Variants in NKAIN3 observed in about 807,000 individuals in gnomAD.
The protein encoded by NKAIN3 is sodium/potassium-transporting ATPase subunit beta-1-interacting protein 3.
A neutral mutation model predicts 30.2 loss-of-function variants in NKAIN3; 25 were observed. The ratio of observed to expected loss-of-function variants is 0.83; its 90% CI spans 0.60 to 1.16. NKAIN3 has a LOEUF of 1.16. NKAIN3 is among the 50% of genes most tolerant of loss of function. The pLI is 0.00. For missense variants in NKAIN3, 225 were observed against 254.1 expected, an observed-to-expected ratio of 0.89 and a Z score of 0.78; for synonymous variants, 91 against 89.6, an observed-to-expected ratio of 1.02 and a Z score of -0.09.
intron 1 of NKAIN3, among the ~76,000 whole-genome samples, chr8:62,471,745 A>G (rs1806355872): frequency 6.6e-6 from 1 of 152,124 alleles, no homozygotes; most frequent in South Asian, 2.1e-4. Context: ...AAAGTTTGAG[A>G]TCAGCCTGGG....
intron 1 of NKAIN3, among the ~76,000 whole-genome samples, chr8:62,395,792 A>G (rs896262596): frequency 3.3e-5 from 5 of 152,220 alleles, no homozygotes; most frequent in Non-Finnish European, 7.4e-5. Context: ...AATTAGATAT[A>G]CATATTAGAA....
At chr8:62,880,043 C>T (rs1254891905) in intron 4 of NKAIN3, among the ~76,000 whole-genome samples, 2 of 152,152 alleles carry the variant, frequency 1.3e-5, no homozygotes, top group Admixed American at 6.5e-5. Flanking sequence ...AGTAAGAGAT[C>T]GCCAGTCCCT....
intron 1 of NKAIN3, among the ~76,000 whole-genome samples, chr8:62,303,767 G>GA (rs1179290545): frequency 6.6e-6 from 1 of 150,586 alleles, no homozygotes; most frequent in Non-Finnish European, 1.5e-5. Context: ...AACATTGCCT[G>GA]ATGCATAAAA....
chr8:62,654,338 C>A (rs1004510457), intron 3 of NKAIN3, among the ~76,000 whole-genome samples: 1 of 152,004 alleles, frequency 6.6e-6, no homozygotes, highest in Non-Finnish European at 1.5e-5. Context: ...GAAAATCCAA[C>A]GACTAAATAA....
chr8:62,522,322 C>G (rs191913934), intron 1 of NKAIN3, among the ~76,000 whole-genome samples: 7 of 152,192 alleles, frequency 4.6e-5, no homozygotes, highest in Non-Finnish European at 8.8e-5. Context: ...ATAAACAAAC[C>G]TATGTACAGC....
At chr8:62,568,814 A>G (rs1363956904) in intron 1 of NKAIN3, among the ~76,000 whole-genome samples, 1 of 152,190 alleles carries the variant, frequency 6.6e-6, no homozygotes, top group Non-Finnish European at 1.5e-5. Flanking sequence ...TATAGGGACT[A>G]AAACACATAT....
intron 3 of NKAIN3, among the ~76,000 whole-genome samples, chr8:62,641,448 A>T (rs1359080974): frequency 6.6e-6 from 1 of 152,178 alleles, no homozygotes; most frequent in African/African-American, 2.4e-5. Context: ...TTAGCTATGA[A>T]ATACCTTATC....
intron 1 of NKAIN3, among the ~76,000 whole-genome samples, chr8:62,490,779 G>T (rs1585866249): frequency 1.3e-5 from 2 of 152,096 alleles, no homozygotes; most frequent in South Asian, 4.2e-4. Context: ...ATACAGGAAA[G>T]AATAAGGGCT....
At chr8:62,794,590 G>A (rs1283424300) in intron 4 of NKAIN3, among the ~76,000 whole-genome samples, 6 of 152,270 alleles carry the variant, frequency 3.9e-5, no homozygotes, top group South Asian at 2.1e-4. Flanking sequence ...GTAGCGAGCA[G>A]GAGAAACGGA....
chr8:62,892,380 G>T (rs1821320172), intron 4 of NKAIN3, among the ~76,000 whole-genome samples: 1 of 152,114 alleles, frequency 6.6e-6, no homozygotes, highest in Non-Finnish European at 1.5e-5. Context: ...AGCACCATGT[G>T]GAGAAAAAGG....
intron 1 of NKAIN3, among the ~76,000 whole-genome samples, chr8:62,499,700 T>C (rs1179155143): frequency 6.6e-6 from 1 of 152,144 alleles, no homozygotes; most frequent in Admixed American, 6.6e-5. Context: ...TCCCCTTTTA[T>C]TTATTAACAG....
At chr8:62,633,346 G>C (rs1486214307) in intron 3 of NKAIN3, among the ~76,000 whole-genome samples, 1 of 151,964 alleles carries the variant, frequency 6.6e-6, no homozygotes, top group Admixed American at 6.6e-5. Flanking sequence ...ACTAACATAG[G>C]GTCCTGAATG....
At chr8:62,700,787 A>T (rs1331435206) in intron 3 of NKAIN3, among the ~76,000 whole-genome samples, 3 of 152,242 alleles carry the variant, frequency 2.0e-5, no homozygotes, top group Admixed American at 2.0e-4. Flanking sequence ...TTCAACAAAC[A>T]TAGTTTGAAG....
At chr8:62,673,296 A>T (rs1813367172) in intron 3 of NKAIN3, among the ~76,000 whole-genome samples, 1 of 152,276 alleles carries the variant, frequency 6.6e-6, no homozygotes, top group African/African-American at 2.4e-5. Context: ...TTAATTGAAA[A>T]GTATTAATTT....
At chr8:62,368,643 C>A (rs1382142225) in intron 1 of NKAIN3, among the ~76,000 whole-genome samples, 1 of 152,156 alleles carries the variant, frequency 6.6e-6, no homozygotes, top group Non-Finnish European at 1.5e-5. Context: ...CAAAAAACAC[C>A]TTGTGCAAAA....
intron 2 of NKAIN3, among the ~76,000 whole-genome samples, chr8:62,579,983 G>C (rs1291090560): frequency 6.6e-6 from 1 of 152,116 alleles, no homozygotes. Flanking sequence ...TCTGCTTGTA[G>C]TCTTGGTAAT....
At position 62,779,326 on chromosome 8, in the gene NKAIN3, A is replaced by G. The variant is rs2101043; in HGVS notation, c.471+32197A>G. Among the ~76,000 whole-genome samples, 1,517 of 152,182 alleles carry G rather than the reference A, an allele frequency of 1.0e-2. 21 individuals are homozygous for G. The highest frequency in any genetic ancestry group is 0.031 in the South Asian group (150 of 4,820). ...TATGCTTAGCCTGCTTCTTGCATTT[A>G]CTTAGGACCCTAGAGCACTCACCCT... On this transcript the variant is annotated intron_variant, in intron 4 of 6. Transcript: ENST00000623646.
chr8:62,333,752 G>A (rs1468204921), intron 1 of NKAIN3, among the ~76,000 whole-genome samples: 1 of 151,942 alleles, frequency 6.6e-6, no homozygotes, highest in African/African-American at 2.4e-5. Context: ...CATGGCTTTG[G>A]GCCCTAGTAT....
intron 1 of NKAIN3, among the ~76,000 whole-genome samples, chr8:62,558,010 A>G (rs1809461306): frequency 6.6e-6 from 1 of 152,038 alleles, no homozygotes; most frequent in African/African-American, 2.4e-5. Context: ...TGTTTTTCCA[A>G]TGCTATCTTC....
Sources: allele counts gnomAD v4.1 joint callset (sites outside exome capture counted in the v4.1 genomes callset), GRCh38; gene constraint gnomAD v4.1.1; transcripts MANE v1.5; gene names NCBI Gene and HGNC (gene_info 2026-07-23, HGNC 2026-07-21).